RPGRIP1L: variants seen among roughly 807,000 people sequenced by gnomAD.
The protein encoded by RPGRIP1L is RPGRIP1 like.
A neutral mutation model predicts 160.4 loss-of-function variants in RPGRIP1L; 131 were observed. The ratio of observed to expected loss-of-function variants is 0.82; its 90% CI spans 0.71 to 0.94. The LOEUF (loss-of-function observed/expected upper bound fraction) is 0.94. Ranked by LOEUF, RPGRIP1L falls within the 40% of genes least tolerant of loss-of-function variation. RPGRIP1L has a pLI of 0.00. For missense variants in RPGRIP1L, 1,522 were observed against 1,535.8 expected (o/e 0.99, Z 0.15); for synonymous variants, 510 against 515.8 (o/e 0.99, Z 0.15).
At chr16:53,698,765 T>TG (rs1159143726) in intron 2 of RPGRIP1L, among the ~76,000 whole-genome samples, 3 of 132,696 alleles carry the variant, frequency 2.3e-5, no homozygotes, top group African/African-American at 8.8e-5. Flanking sequence ...GGGAGGGAGG[T>TG]GGGGGGGTCA....
chr16:53,692,385 T>C (rs1403916841), intron 3 of RPGRIP1L, 21 bp from the exon 4 acceptor site: 1 of 1,605,384 alleles, frequency 6.2e-7, no homozygotes. Flanking sequence ...AATAAAAAGA[T>C]GAAAAGGAAT....
At chr16:53,625,475 T>TG (rs368428748) in intron 22 of RPGRIP1L, among the ~76,000 whole-genome samples, 44,212 of 129,898 alleles carry the variant, frequency 0.34, 7,992 homozygotes, top group African/African-American at 0.54. Context: ...ATCTGGGGGC[T>TG]GGGGGGGGCG....
At chr16:53,698,171 G>A (rs1389820522) in intron 2 of RPGRIP1L, among the ~76,000 whole-genome samples, 12 of 147,732 alleles carry the variant, frequency 8.1e-5, no homozygotes, top group Admixed American at 1.3e-4. Context: ...CCCGGCAGCC[G>A]CCCCGTCTGA....
chr16:53,696,991 C>G (rs1024897784), intron 2 of RPGRIP1L, among the ~76,000 whole-genome samples: 3 of 152,022 alleles, frequency 2.0e-5, no homozygotes, highest in Non-Finnish European at 4.4e-5. Context: ...GTCGGGAGTT[C>G]AAGACCAGCC....
intron 8 of RPGRIP1L, 141 bp downstream of exon 8, chr16:53,672,729 T>C (rs1968843500): frequency 2.9e-6 from 2 of 700,108 alleles, no homozygotes; most frequent in Admixed American, 5.1e-5. Context: ...TTAACAACTA[T>C]ATTTTGCTGT....
intron 16 of RPGRIP1L, among the ~76,000 whole-genome samples, chr16:53,648,619 C>A (rs943542909): frequency 1.2e-5 from 1 of 83,300 alleles, no homozygotes; most frequent in Non-Finnish European, 2.5e-5. Flanking sequence ...CGCGTGCGCG[C>A]GCGCGCGCAC....
At chr16:53,646,824 A>G (rs1419765085) in intron 16 of RPGRIP1L, among the ~76,000 whole-genome samples, 1 of 152,232 alleles carries the variant, frequency 6.6e-6, no homozygotes, top group Non-Finnish European at 1.5e-5. Flanking sequence ...TGACTCCATG[A>G]GAAGTTTATT....
chr16:53,622,235 G>T lies in RPGRIP1L; in HGVS notation c.3416C>A (p.Ala1139Asp). ...AAAAATTACCTGGGTGTGGTGGCAGGCACCTGTAATCCCATCTACTTGGGA... is the reference window on the plus strand; with the variant it reads ...AAAAATTACCTGGGTGTGGTGGCAGTCACCTGTAATCCCATCTACTTGGGA... ...SASQVDGITG[A>D]CHHTQPSEKI... The change falls in exon 23 of 27, where the codon GCC (alanine) becomes GAC (aspartate). Residue 1139 changes from alanine to aspartate, a missense_variant. Transcript: ENST00000647211. 3.0e-6 allele frequency: 2 copies of T among 661,342 alleles called. No individual in the cohort carries two copies. Among genetic ancestry groups the T allele is most frequent in the African/African-American group, 1.8e-5 (1 of 54,880 alleles). 41.0% of individuals were successfully genotyped at this position (661,342 alleles called of 1,614,324 possible). A position where few individuals can be genotyped will look rare whatever the true frequency, so the allele number is the denominator to read the frequency against.
intron 24 of RPGRIP1L, among the ~76,000 whole-genome samples, chr16:53,613,816 A>G (rs1964199567): frequency 6.6e-6 from 1 of 152,172 alleles, no homozygotes; most frequent in South Asian, 2.1e-4. Flanking sequence ...AAATACTTTT[A>G]CTGTCATCAT....
chr16:53,611,444 T>C (rs1265035034), intron 24 of RPGRIP1L, among the ~76,000 whole-genome samples: 1 of 152,240 alleles, frequency 6.6e-6, no homozygotes, highest in Non-Finnish European at 1.5e-5. Context: ...GCAGACTGCT[T>C]GTCCTTCCTG....
intron 24 of RPGRIP1L, among the ~76,000 whole-genome samples, chr16:53,614,372 C>A (rs997012411): frequency 6.6e-6 from 1 of 152,130 alleles, no homozygotes; most frequent in Admixed American, 6.5e-5. Flanking sequence ...TGTTAAAATG[C>A]AGATTATTGA....
intron 22 of RPGRIP1L, among the ~76,000 whole-genome samples, chr16:53,625,639 C>G (rs1965093940): frequency 6.6e-6 from 1 of 152,114 alleles, no homozygotes; most frequent in Non-Finnish European, 1.5e-5. Context: ...CCGTCTGGGA[C>G]GTGTACCCAA....
At chr16:53,700,790 G>GGAAT in intron 1 of RPGRIP1L, 60 bp from the exon 2 acceptor site, 2 of 1,311,548 alleles carry the variant, frequency 1.5e-6, no homozygotes, top group Non-Finnish European at 2.2e-6. Flanking sequence ...ACTATGCAAT[G>GGAAT]GAATGAACCA....
chr16:53,625,475 T>TGG (rs368428748), intron 22 of RPGRIP1L, among the ~76,000 whole-genome samples: 6,314 of 130,174 alleles, frequency 0.049, 197 homozygotes, highest in Middle Eastern at 0.17. Flanking sequence ...ATCTGGGGGC[T>TGG]GGGGGGGGCG....
At chr16:53,642,901 C>A (rs535135692) in intron 17 of RPGRIP1L, among the ~76,000 whole-genome samples, 1 of 152,310 alleles carries the variant, frequency 6.6e-6, no homozygotes, top group South Asian at 2.1e-4. Flanking sequence ...CAGAGAAGGT[C>A]AACATCACAG....
At chr16:53,696,437 TACCA>T in intron 2 of RPGRIP1L, 142 bp from the exon 3 acceptor site, 1 of 768,604 alleles carries the variant, frequency 1.3e-6, no homozygotes. Flanking sequence ...GAAAATGTTG[TACCA>T]TTGTTTACAT....
rs1389071865 is a variant in RPGRIP1L, at chr16:53,695,383, C to G, written c.230+768G>C. The G allele has an allele frequency of 4.3e-6, 3 of 702,854 alleles. No individual in the cohort carries two copies. The African/African-American group carries it at 5.2e-5, about 12-fold the overall frequency. The allele number at this position is 702,854 out of a possible 1,614,324, so 43.5% of individuals were successfully genotyped here. A position where few individuals can be genotyped will look rare whatever the true frequency, so the allele number is the denominator to read the frequency against. On this transcript the variant is annotated intron_variant, in intron 3 of 26. Transcript: ENST00000647211. ...CACAGAGTAGAAACTGAACTGGAAC[C>G]ACCTCCTTAGGATGGATTCTAAGCA...
intron 22 of RPGRIP1L, among the ~76,000 whole-genome samples, chr16:53,633,517 G>A (rs1199802984): frequency 6.6e-6 from 1 of 152,204 alleles, no homozygotes; most frequent in Non-Finnish European, 1.5e-5. Flanking sequence ...GAAATGCAAT[G>A]TGTGATCTGG....
rs181775016 is a variant in RPGRIP1L, at chr16:53,637,556, A to G, written c.3220+139T>C. On this transcript the variant is annotated intron_variant, in intron 21 of 26. Transcript: ENST00000647211. ...ACTACAACTAAGAAGATGGAACTATATTCTATCATTTCTGTCAAGAAACAG... is the reference window on the plus strand; with the variant it reads ...ACTACAACTAAGAAGATGGAACTATGTTCTATCATTTCTGTCAAGAAACAG... The G allele has an allele frequency of 6.0e-4, 450 of 753,712 alleles. 2 individuals are homozygous for G. Among genetic ancestry groups the G allele is most frequent in the Admixed American group, 1.4e-3 (62 of 44,764 alleles). The allele number at this position is 753,712 out of a possible 1,614,324, so 46.7% of individuals were successfully genotyped here.
Sources: allele counts gnomAD v4.1 joint callset (sites outside exome capture counted in the v4.1 genomes callset), GRCh38; gene constraint gnomAD v4.1.1; transcripts MANE v1.5; gene names NCBI Gene and HGNC (gene_info 2026-07-23, HGNC 2026-07-21).